HYI: variants seen among roughly 807,000 people sequenced by gnomAD.
The protein encoded by HYI is putative hydroxypyruvate isomerase.
Under a neutral mutation model 39.7 loss-of-function variants are expected in HYI, and 47 were observed. That is an observed-to-expected ratio of 1.18 (90% CI 0.94 to 1.51). HYI has a LOEUF of 1.51. HYI is among the 40% of genes most tolerant of loss of function. The pLI is 0.00. For synonymous variants in HYI, 186 were observed against 158.8 expected (o/e 1.17, Z -1.29); for missense variants, 465 against 370.3 (o/e 1.26, Z -2.10).
rs1390897323 is a variant in HYI at position 43,451,223 on chromosome 1, G to A, written c.*15C>T. 1 of 1,613,222 alleles carries A rather than the reference G, an allele frequency of 6.2e-7. No homozygotes were observed. Among genetic ancestry groups the A allele is most frequent in the East Asian group, 2.2e-5 (1 of 44,878 alleles). On this transcript the variant is annotated 3_prime_UTR_variant, in exon 8 of 8. Transcript: ENST00000372430. ...TCACTCGCTGTCTGGAGGCACGTGG[G>A]TGGTGTGCGGGCCCTCACTGGCCAG...
chr1:43,450,695 A>G, downstream of HYI: 1 of 741,658 alleles, frequency 1.3e-6, no homozygotes, highest in Non-Finnish European at 2.3e-6. This position sits in a 1 kb window ranked among gnomAD's most constrained non-coding sequence, Gnocchi z 4.3. Flanking sequence ...TGACCCATCC[A>G]GGACTCCAGA....
chr1:43,452,029 G>C lies in HYI; in HGVS notation c.427-16C>G. ...CGAGGTCCTCCTAGCAGCATGTCGG[G>C]TGCTGTGAATAGAGCTCCTTCCCAA... On this transcript the variant is annotated splice_polypyrimidine_tract_variant and intron_variant, in intron 3 of 7. Transcript: ENST00000372430. The C allele has an allele frequency of 1.3e-6, 2 of 1,597,406 alleles. No individual in the cohort carries two copies. The highest frequency in any genetic ancestry group is 2.3e-5 in the South Asian group (2 of 88,696).
chr1:43,452,176 A>T (rs1656510015), intron 3 of HYI, 29 bp downstream of exon 3: 1 of 1,566,702 alleles, frequency 6.4e-7, no homozygotes, highest in African/African-American at 1.4e-5. Flanking sequence ...AGAGACATGT[A>T]AGTACGTGTG....
chr1:43,453,576 C>T lies in HYI; in HGVS notation c.199+19G>A, dbSNP rs867110144. ...CCGGCACCCCCCAGCCCTCCCAGCC[C>T]TCCCGGCCCGCGACGCACCCGGGGG... is the stretch of plus-strand genomic sequence containing the variant. On this transcript the variant is annotated intron_variant, in intron 1 of 7. Coordinates refer to ENST00000372430, the MANE Select transcript of HYI (RefSeq NM_001190880.3). 9.2e-6 allele frequency: 14 copies of T among 1,519,936 alleles called. No individual in the cohort carries two copies. The Middle Eastern group carries it at 5.5e-4, about 59-fold the overall frequency. The allele number at this position is 1,519,936 out of a possible 1,614,324, so 94.2% of individuals were successfully genotyped here. A position where few individuals can be genotyped will look rare whatever the true frequency, so the allele number is the denominator to read the frequency against.
intron 2 of HYI, chr1:43,452,585 C>T: frequency 1.6e-6 from 1 of 607,586 alleles, no homozygotes; most frequent in Non-Finnish European, 3.0e-6. Flanking sequence ...TCCTTCTCCG[C>T]AACCTGTAAC....
rs752100500 is a variant in HYI at position 43,452,425 on chromosome 1, T to C, written c.312-106A>G. 7.0e-5 allele frequency: 61 copies of C among 875,534 alleles called. No individual in the cohort carries two copies. In the South Asian group the frequency reaches 7.5e-4, roughly 11 times the overall value. The allele number at this position is 875,534 out of a possible 1,614,324, so 54.2% of individuals were successfully genotyped here. A position where few individuals can be genotyped will look rare whatever the true frequency, so the allele number is the denominator to read the frequency against. ...CTCGTCCGTCTCCCCAGGTCTCCAG[T>C]CCATGGCACCTGGGTCACGATGCCC... is the stretch of plus-strand genomic sequence containing the variant. On this transcript the variant is annotated intron_variant, in intron 2 of 7. Coordinates refer to ENST00000372430, the MANE Select transcript of HYI (RefSeq NM_001190880.3).
At position 43,451,860 on chromosome 1, in the gene HYI, C is replaced by A; in HGVS notation, c.506-13G>T. 6.2e-7 allele frequency: 1 copy of A among 1,614,004 alleles called. No individual in the cohort carries two copies. The highest frequency in any genetic ancestry group is 8.5e-7 in the Non-Finnish European group (1 of 1,179,962). The stretch of plus-strand genomic sequence containing the variant: ...AAGATGGCTGCCGCTGTAAGAGAAG[C>A]CAGGGAGGGGACCGTGAGCCTCAAG... On this transcript the variant is annotated splice_polypyrimidine_tract_variant and intron_variant, in intron 4 of 7. Transcript: ENST00000372430.
intron 5 of HYI, 26 bp from the exon 6 acceptor site, chr1:43,451,743 A>T (rs769648408): frequency 6.2e-7 from 1 of 1,613,758 alleles, no homozygotes; most frequent in Admixed American, 1.7e-5. Flanking sequence ...CTACATTCCG[A>T]GACCCCGCAG....
Position 43,451,199 on chromosome 1 carries a change from C to CA in HYI, c.*38dup, listed in dbSNP as rs2153937656. On this transcript the variant is annotated 3_prime_UTR_variant, in exon 8 of 8. Coordinates refer to ENST00000372430, the MANE Select transcript of HYI (RefSeq NM_001190880.3). ...TAATGCAGAGGAGGAGATGGGATGT[C>CA]ACTCGCTGTCTGGAGGCACGTGGGT... 2 of 1,579,842 alleles carry CA rather than the reference C, an allele frequency of 1.3e-6. No homozygotes were observed. Among genetic ancestry groups the CA allele is most frequent in the East Asian group, 4.5e-5 (2 of 44,720 alleles).
In HYI at chr1:43,451,786, C is replaced by T. The variant is rs769920924; in HGVS notation, c.555+12G>A. The T allele has an allele frequency of 6.2e-7, 1 of 1,614,002 alleles. No individual in the cohort carries two copies. The highest frequency in any genetic ancestry group is 1.7e-5 in the Admixed American group (1 of 60,006). On this transcript the variant is annotated intron_variant, in intron 5 of 7. Coordinates refer to ENST00000372430, the MANE Select transcript of HYI (RefSeq NM_001190880.3). ...CCTCCTTCCGATCTGCGAAGTACCCCCTTCCACTTACCATTTGTAATTGGA... is the reference window on the plus strand; with the variant it reads ...CCTCCTTCCGATCTGCGAAGTACCCTCTTCCACTTACCATTTGTAATTGGA...
chr1:43,452,015 T>TA lies in HYI; in HGVS notation c.427-3dup. 2 of 1,604,894 alleles carry TA rather than the reference T, an allele frequency of 1.2e-6. No homozygotes were observed. The highest frequency in any genetic ancestry group is 1.7e-6 in the Non-Finnish European group (2 of 1,174,352). On this transcript the variant is annotated splice_polypyrimidine_tract_variant and splice_region_variant and intron_variant, in intron 3 of 7. Transcript: ENST00000372430. ...CTCCAGCAGTCCCACGAGGTCCTCC[T>TA]AGCAGCATGTCGGGTGCTGTGAATA...
At chr1:43,452,066 ATCAG>A (rs952527540) in intron 3 of HYI, 53 bp from the exon 4 acceptor site, 17 of 1,564,382 alleles carry the variant, frequency 1.1e-5, no homozygotes, top group Middle Eastern at 1.7e-4. Flanking sequence ...TTTGTCCCCC[ATCAG>A]TCAGTCACTG....
rs1409733302 is a variant in HYI at position 43,451,325 on chromosome 1, G to A, written c.761-14C>T. On this transcript the variant is annotated splice_polypyrimidine_tract_variant and intron_variant, in intron 7 of 7. Coordinates refer to ENST00000372430, the MANE Select transcript of HYI (RefSeq NM_001190880.3). ...CTACTGTGTCTCCTGCAGGGAGAGG[G>A]AGGCCTCGGCACCTCAGCCCACAAG... The A allele has an allele frequency of 4.3e-6, 7 of 1,613,348 alleles. No individual in the cohort carries two copies. Among genetic ancestry groups the A allele is most frequent in the Admixed American group, 1.7e-5 (1 of 60,014 alleles).
At position 43,453,474 on chromosome 1, in the gene HYI, C is replaced by T. The variant is rs1325752965; in HGVS notation, c.223G>A (p.Gly75Arg). The change falls in exon 2 of 8, where the codon GGG becomes AGG. Residue 75 changes from glycine (G) to arginine (R), a missense_variant. Coordinates refer to ENST00000372430, the MANE Select transcript of HYI (RefSeq NM_001190880.3). The part of the protein sequence containing the change: ...PPGDQEKGEM[G>R]LGAVPGRQAA... ...TGTCTCCCGGGGACGGCCCCCAGCC[C>T]CATTTCCCCCTTCTCTTGGTCTCCT... 10 of 1,560,678 alleles carry T rather than the reference C, an allele frequency of 6.4e-6. No individual in the cohort carries two copies. Among genetic ancestry groups the T allele is most frequent in the South Asian group, 2.4e-5 (2 of 84,632 alleles).
chr1:43,450,853 C>T (rs1233007548), downstream of HYI: 6 of 716,204 alleles, frequency 8.4e-6, no homozygotes, highest in Non-Finnish European at 1.5e-5. The surrounding 1 kb of genome is among the most constrained non-coding windows in gnomAD (Gnocchi z 4.3). Flanking sequence ...TGACCACTGT[C>T]AGCCACCTGT....
At chr1:43,452,414 C>G (rs1256563902) in intron 2 of HYI, 95 bp from the exon 3 acceptor site, 1 of 963,972 alleles carries the variant, frequency 1.0e-6, no homozygotes. Flanking sequence ...TCCGTCTCCC[C>G]AGGTCTCCAG....
chr1:43,453,375 G>T lies in HYI; in HGVS notation c.311+11C>A. The T allele has an allele frequency of 6.7e-7, 1 of 1,485,464 alleles. No homozygotes were observed. Among genetic ancestry groups the T allele is most frequent in the Non-Finnish European group, 9.2e-7 (1 of 1,092,446 alleles). 92.0% of individuals were successfully genotyped at this position (1,485,464 alleles called of 1,614,324 possible). A position where few individuals can be genotyped will look rare whatever the true frequency, so the allele number is the denominator to read the frequency against. On this transcript the variant is annotated intron_variant, in intron 2 of 7. Transcript: ENST00000372430. ...GGGTCACAGGGGTGGGGGTGGGGTG[G>T]AGCGGGGTACCTGGGACAGCCCAGG...
At position 43,453,156 on chromosome 1, in the gene HYI, T is replaced by G; in HGVS notation, c.311+230A>C. The G allele has an allele frequency of 7.5e-6, 5 of 663,574 alleles. No individual in the cohort carries two copies. In the South Asian group the frequency reaches 8.8e-5, roughly 12 times the overall value. The allele number at this position is 663,574 out of a possible 1,614,324, so 41.1% of individuals were successfully genotyped here. A position where few individuals can be genotyped will look rare whatever the true frequency, so the allele number is the denominator to read the frequency against. On this transcript the variant is annotated intron_variant, in intron 2 of 7. Transcript: ENST00000372430. ...TACTCTCCTATCTGCCTAGGCAGAC[T>G]GAGCTCCCAGCATGGGATCCCAGCA... is the stretch of plus-strand genomic sequence containing the variant.
Position 43,453,756 on chromosome 1 carries a change from A to C in HYI, c.38T>G (p.Leu13Arg). ...GGGGAGGCCGGAGAGCTCGGGGAAT[A>C]GCCAGGACAGATTGGCGGAGAAGCG... ...PLRFSANLSW[L>R]FPELSGLPAR... Residue 13 changes from leucine to arginine, a missense_variant, in exon 1 of 8, where the codon CTA becomes CGA. Leu to Arg is a moderately radical substitution (Grantham distance 102). Coordinates refer to ENST00000372430, the MANE Select transcript of HYI (RefSeq NM_001190880.3). 7.6e-7 allele frequency: 1 copy of C among 1,323,956 alleles called. No individual in the cohort carries two copies. Among genetic ancestry groups the C allele is most frequent in the Non-Finnish European group, 9.6e-7 (1 of 1,043,976 alleles). The allele number at this position is 1,323,956 out of a possible 1,614,324, so 82.0% of individuals were successfully genotyped here.
Sources: gnomAD v4.1 joint callset for allele counts on GRCh38, gnomAD v4.1.1 for gene constraint, Gnocchi (gnomAD v3.1) non-coding constraint, MANE v1.5 for transcripts, NCBI Gene and HGNC (gene_info 2026-07-23, HGNC 2026-07-21) for gene names.